Variants in CLCN1 observed in about 807,000 individuals in gnomAD.
CLCN1 encodes chloride channel protein 1.
Under a neutral mutation model 114.5 loss-of-function variants are expected in CLCN1, and 100 were observed. The ratio of observed to expected loss-of-function variants is 0.87; its 90% confidence interval spans 0.74 to 1.03. The LOEUF is 1.03. Among genes scored for constraint, CLCN1 ranks in the 50% least tolerant of loss-of-function variants. The pLI is 0.00. For missense variants in CLCN1, 1,188 were observed against 1,250.0 expected, an observed-to-expected ratio of 0.95 and a Z score of 0.75; for synonymous variants, 485 against 487.1, an observed-to-expected ratio of 1.00 and a Z score of 0.06.
intron 7 of CLCN1, among the ~76,000 whole-genome samples, chr7:143,328,502 G>A (rs987808193): frequency 1.3e-5 from 2 of 152,136 alleles, no homozygotes; most frequent in Admixed American, 6.5e-5. Context: ...CTCTCATTCC[G>A]GAGCATACAG....
At chr7:143,317,244 CTTTTT>C (rs1207676166) in intron 1 of CLCN1, among the ~76,000 whole-genome samples, 4 of 113,760 alleles carry the variant, frequency 3.5e-5, no homozygotes, top group East Asian at 2.3e-4. Context: ...TTGGCCAGAA[CTTTTT>C]TTTTTTTTTT....
At chr7:143,336,783 G>A (rs1802915144) in intron 12 of CLCN1, among the ~76,000 whole-genome samples, 1 of 152,066 alleles carries the variant, frequency 6.6e-6, no homozygotes, top group African/African-American at 2.4e-5. Flanking sequence ...GTCAACCTTT[G>A]TGCTATAGGA....
rs986558615 is a variant in CLCN1, at chr7:143,321,900, G to A, written c.696+52G>A. The A allele has an allele frequency of 3.1e-6, 5 of 1,597,846 alleles. No individual in the cohort carries two copies. Among genetic ancestry groups the A allele is most frequent in the Non-Finnish European group, 4.3e-6 (5 of 1,171,536 alleles). On this transcript the variant is annotated intron_variant, in intron 5 of 22. Coordinates refer to ENST00000343257, the MANE Select transcript of CLCN1 (RefSeq NM_000083.3). The surrounding 1 kb of genome is among the most constrained non-coding windows in gnomAD (Gnocchi z 4.2). Reference sequence around the variant, plus strand: ...GCTGGGAGGGGCCCTCAGGAGCCAGGGTGGCACCAACTCTAGAGGGAGCTC... The same window carrying A: ...GCTGGGAGGGGCCCTCAGGAGCCAGAGTGGCACCAACTCTAGAGGGAGCTC...
chr7:143,341,939 G>A lies in CLCN1; in HGVS notation c.1593G>A (p.Ala531=), dbSNP rs367696668. 28 of 1,613,180 alleles carry A rather than the reference G, an allele frequency of 1.7e-5. No individual in the cohort carries two copies. Among genetic ancestry groups the A allele is most frequent in the Admixed American group, 5.0e-5 (3 of 60,000 alleles). Residue 531 remains alanine, a synonymous_variant, in exon 15 of 23, where the codon GCG becomes GCA. Transcript: ENST00000343257. ...CCTGTGTCATTCTAGGAGCAGCAGC[G>A]CTGACTGGTGCCGTTTCCCACACAG... ...PGGYAVIGAA[A]LTGAVSHTVS...
Position 143,350,701 on chromosome 7 carries a change from T to C in CLCN1, c.2595+47T>C, listed in dbSNP as rs200887705. ...TGAGCAGCAGGAGGGAGGCTGGGCA[T>C]AGGATAAGGGGATGCAGTGGGGACA... On this transcript the variant is annotated intron_variant, in intron 22 of 22. Transcript: ENST00000343257. This position sits in a 1 kb window ranked among gnomAD's most constrained non-coding sequence, Gnocchi z 5.1. 5.0e-6 allele frequency: 7 copies of C among 1,403,492 alleles called. No homozygotes were observed. The East Asian group carries it at 1.1e-4, about 23-fold the overall frequency. 86.9% of individuals were successfully genotyped at this position (1,403,492 alleles called of 1,614,324 possible). A position where few individuals can be genotyped will look rare whatever the true frequency, so the allele number is the denominator to read the frequency against.
Position 143,339,336 on chromosome 7 carries a change from G to C in CLCN1, c.1471+14G>C. 1 of 1,596,794 alleles carries C rather than the reference G, an allele frequency of 6.3e-7. No homozygotes were observed. ...TGTTTGTGCTAGGTAAGTTCTGATG[G>C]GAAGCCTGGGGTCTGACTGAGAGTT... On this transcript the variant is annotated intron_variant, in intron 13 of 22. Coordinates refer to ENST00000343257, the MANE Select transcript of CLCN1 (RefSeq NM_000083.3). The surrounding 1 kb of genome is among the most constrained non-coding windows in gnomAD (Gnocchi z 4.1).
In CLCN1 at chr7:143,344,688, A is replaced by T. The variant is rs1427734548; in HGVS notation, c.1931-833A>T. Among the ~76,000 whole-genome samples the T allele has an allele frequency of 3.3e-5, 5 of 151,390 alleles. 1 individual carries two copies. The highest frequency in any genetic ancestry group is 1.2e-4 in the African/African-American group (5 of 41,162). ...TAAAAATGTTAACTATAGTAGCAAAATTTCTATAATCATATAAAAGACCTT... is the reference window on the plus strand; with the variant it reads ...TAAAAATGTTAACTATAGTAGCAAATTTTCTATAATCATATAAAAGACCTT... On this transcript the variant is annotated intron_variant, in intron 16 of 22. Coordinates refer to ENST00000343257, the MANE Select transcript of CLCN1 (RefSeq NM_000083.3).
chr7:143,343,775 CCTCT>C (rs769026849), intron 16 of CLCN1, among the ~76,000 whole-genome samples: 10 of 143,392 alleles, frequency 7.0e-5, no homozygotes, highest in Admixed American at 2.1e-4. Flanking sequence ...TCCCTCTTTC[CCTCT>C]CTCTCTCTTT....
At chr7:143,346,737 A>T in intron 19 of CLCN1, 79 bp downstream of exon 19, 2 of 1,306,580 alleles carry the variant, frequency 1.5e-6, no homozygotes, top group Non-Finnish European at 2.2e-6. Context: ...TTCTTAAATC[A>T]GGAAGGCAGA....
chr7:143,342,213 C>A, intron 15 of CLCN1, 71 bp downstream of exon 15: 2 of 1,537,252 alleles, frequency 1.3e-6, no homozygotes, highest in Non-Finnish European at 9.0e-7. Context: ...TGAGACTGAG[C>A]TTAGAGTTAA....
At chr7:143,338,366 C>T (rs1802970742) in intron 12 of CLCN1, among the ~76,000 whole-genome samples, 1 of 152,176 alleles carries the variant, frequency 6.6e-6, no homozygotes, top group African/African-American at 2.4e-5. Flanking sequence ...GCAAGTGGCT[C>T]AGGCAGGTAA....
intron 16 of CLCN1, among the ~76,000 whole-genome samples, 159 bp from the exon 17 acceptor site, chr7:143,345,362 A>G (rs760146742): frequency 2.0e-5 from 3 of 152,194 alleles, no homozygotes; most frequent in East Asian, 1.9e-4. Context: ...GAGTGAGGTT[A>G]ATCTTGGAGG....
intron 6 of CLCN1, 118 bp downstream of exon 6, chr7:143,323,504 C>CG: frequency 1.3e-6 from 1 of 783,454 alleles, no homozygotes; most frequent in Non-Finnish European, 2.3e-6. Context: ...GAAGCAGCAT[C>CG]GCACTAATCC....
rs537171820 is a variant in CLCN1, at chr7:143,316,205, G to T, written c.-8G>T. ...CCAAGGCCTGGCCGGGGCTCGGGGG[G>T]AGGGAATATGGAGCAATCCCGGTCA... On this transcript the variant is annotated 5_prime_UTR_variant, in exon 1 of 23. Coordinates refer to ENST00000343257, the MANE Select transcript of CLCN1 (RefSeq NM_000083.3). The T allele has an allele frequency of 5.2e-5, 84 of 1,610,360 alleles. No homozygotes were observed. In the African/African-American group the frequency reaches 1.0e-3, roughly 19 times the overall value.
rs775227599 is a variant in CLCN1, at chr7:143,346,203, G to A, written c.2236G>A (p.Gly746Arg). Residue 746 changes from glycine (G) to arginine (R), a missense_variant, in exon 18 of 23, where the codon GGG becomes AGG. Physicochemically the swap from Gly to Arg is moderately radical, Grantham distance 125. Transcript: ENST00000343257. ...TAPLSPEEPN[G>R]PLPGHKQQPE... ...CCCTCTGTCCCCAGAAGAGCCCAAT[G>A]GGCCTCTGCCTGGCCACAAACAGCA... 6.2e-7 allele frequency: 1 copy of A among 1,613,804 alleles called. No homozygotes were observed. The highest frequency in any genetic ancestry group is 1.1e-5 in the South Asian group (1 of 91,066).
Position 143,321,506 on chromosome 7 carries a change from C to T in CLCN1, c.562+13C>T. On this transcript the variant is annotated intron_variant, in intron 4 of 22. Coordinates refer to ENST00000343257, the MANE Select transcript of CLCN1 (RefSeq NM_000083.3). This position sits in a 1 kb window ranked among gnomAD's most constrained non-coding sequence, Gnocchi z 4.2. ...CCCCAGGCTGTTGGTGAGAACTTGC[C>T]ACCAGACTCGGCCTGAGCTGGGTGG... 6.2e-7 allele frequency: 1 copy of T among 1,614,002 alleles called. No individual in the cohort carries two copies. Among genetic ancestry groups the T allele is most frequent in the Non-Finnish European group, 8.5e-7 (1 of 1,180,032 alleles).
chr7:143,344,578 G>A (rs574088255), intron 16 of CLCN1, among the ~76,000 whole-genome samples: 80 of 152,194 alleles, frequency 5.3e-4, no homozygotes, highest in African/African-American at 1.5e-3. Flanking sequence ...CAAATGAGGG[G>A]CAAGGTTTTC....
chr7:143,348,226 A>G (rs553185006), intron 20 of CLCN1, among the ~76,000 whole-genome samples: 2 of 152,326 alleles, frequency 1.3e-5, no homozygotes, highest in Middle Eastern at 3.4e-3. Flanking sequence ...TGACTTGTGA[A>G]AAAGTCAAAT....
chr7:143,350,612 G>C lies in CLCN1; in HGVS notation c.2553G>C (p.Val851=). 6.2e-7 allele frequency: 1 copy of C among 1,614,130 alleles called. No individual in the cohort carries two copies. The stretch of plus-strand genomic sequence containing the variant: ...TCCTTGGCCTCCACCTCGCTTACGT[G>C]ACCAGCATGGGGAAGCTCAGGGGCG... ...FSLLGLHLAY[V]TSMGKLRGVL... is the part of the protein sequence containing the mutation. Residue 851 remains valine (V), a synonymous_variant, in exon 22 of 23, where the codon GTG becomes GTC. Transcript: ENST00000343257. The surrounding 1 kb of genome is among the most constrained non-coding windows in gnomAD (Gnocchi z 5.1).
Sources: gnomAD v4.1 joint callset for allele counts (sites outside exome capture counted in the v4.1 genomes callset) on GRCh38, gnomAD v4.1.1 for gene constraint, Gnocchi (gnomAD v3.1) non-coding constraint, MANE v1.5 for transcripts, NCBI Gene and HGNC (gene_info 2026-07-23, HGNC 2026-07-21) for gene names.